Variants in SNTB1 observed in about 807,000 individuals in gnomAD.
The protein encoded by SNTB1 is beta-1-syntrophin.
A neutral mutation model predicts 48.9 loss-of-function variants in SNTB1; 36 were observed. The ratio of observed to expected loss-of-function variants is 0.74; its 90% CI spans 0.56 to 0.97. The LOEUF is 0.97. SNTB1 is among the 50% of genes least tolerant of loss of function. The pLI, the probability that SNTB1 is intolerant of heterozygous loss-of-function variation, is 0.00. For missense variants in SNTB1, 786 were observed against 703.4 expected, an observed-to-expected ratio of 1.12 and a Z score of -1.33; for synonymous variants, 299 against 294.6, an observed-to-expected ratio of 1.01 and a Z score of -0.15.
intron 1 of SNTB1, among the ~76,000 whole-genome samples, chr8:120,712,923 C>T (rs1022790670): frequency 6.6e-6 from 1 of 152,158 alleles, no homozygotes; most frequent in African/African-American, 2.4e-5. Flanking sequence ...ATTACACATG[C>T]CGCACACCTG....
chr8:120,694,581 A>G (rs1480866755), intron 1 of SNTB1, among the ~76,000 whole-genome samples: 1 of 151,388 alleles, frequency 6.6e-6, no homozygotes, highest in Non-Finnish European at 1.5e-5. Flanking sequence ...CTTTATATAT[A>G]TATCTCTTTC....
chr8:120,753,925 G>A (rs926529901), intron 1 of SNTB1, among the ~76,000 whole-genome samples: 4 of 152,260 alleles, frequency 2.6e-5, no homozygotes, highest in African/African-American at 7.2e-5. Flanking sequence ...TTCTATCAAG[G>A]AAACCCTGTG....
chr8:120,684,460 G>A (rs1024635466), intron 2 of SNTB1, among the ~76,000 whole-genome samples: 9 of 152,086 alleles, frequency 5.9e-5, no homozygotes, highest in Non-Finnish European at 2.9e-5. Context: ...TAAATCACAT[G>A]TAAGTGAGAC....
chr8:120,555,105 A>C (rs912532992), intron 4 of SNTB1, among the ~76,000 whole-genome samples: 2 of 152,218 alleles, frequency 1.3e-5, no homozygotes, highest in African/African-American at 4.8e-5. Context: ...CCAATATGAC[A>C]GTATTTGGAA....
intron 1 of SNTB1, among the ~76,000 whole-genome samples, chr8:120,770,650 T>G (rs1262745191): frequency 6.6e-6 from 1 of 152,044 alleles, no homozygotes; most frequent in Non-Finnish European, 1.5e-5. Flanking sequence ...CTGTCTTTAC[T>G]AAAAATACAA....
intron 2 of SNTB1, among the ~76,000 whole-genome samples, chr8:120,664,812 A>G (rs192883712): frequency 4.3e-4 from 65 of 152,328 alleles, no homozygotes; most frequent in Non-Finnish European, 1.8e-4. Flanking sequence ...GCTGGCTCAT[A>G]TGGTAGGTGT....
intron 1 of SNTB1, among the ~76,000 whole-genome samples, chr8:120,721,523 C>T (rs946976422): frequency 1.3e-5 from 2 of 152,136 alleles, no homozygotes; most frequent in African/African-American, 4.8e-5. Context: ...AAAATTGCTG[C>T]CTAGTTGAAT....
chr8:120,736,424 G>A (rs1383582872), intron 1 of SNTB1, among the ~76,000 whole-genome samples: 2 of 152,164 alleles, frequency 1.3e-5, no homozygotes, highest in Non-Finnish European at 2.9e-5. Context: ...TATCAGTGAA[G>A]AGAACTAAAA....
intron 2 of SNTB1, chr8:120,655,099 G>A: frequency 3.1e-6 from 1 of 323,176 alleles, no homozygotes; most frequent in Non-Finnish European, 6.2e-6. Context: ...ATGACATTTT[G>A]GGGTGTTTTT....
At chr8:120,571,472 ATTG>A (rs1179136362) in intron 4 of SNTB1, 1 of 269,360 alleles carries the variant, frequency 3.7e-6, no homozygotes, top group Non-Finnish European at 7.0e-6. Flanking sequence ...CATTCTGACT[ATTG>A]AGGGTTTTTT....
intron 3 of SNTB1, among the ~76,000 whole-genome samples, chr8:120,598,916 C>G (rs978224832): frequency 1.3e-5 from 2 of 152,150 alleles, no homozygotes; most frequent in Non-Finnish European, 2.9e-5. Context: ...CCCTTGGCCT[C>G]CCTCTTATAA....
intron 3 of SNTB1, among the ~76,000 whole-genome samples, chr8:120,626,968 C>T (rs1255479437): frequency 6.6e-6 from 1 of 152,208 alleles, no homozygotes; most frequent in Non-Finnish European, 1.5e-5. Context: ...GCACTGTCAT[C>T]TTTGTGGGAC....
chr8:120,697,221 C>G (rs1265761871), intron 1 of SNTB1, among the ~76,000 whole-genome samples: 1 of 152,124 alleles, frequency 6.6e-6, no homozygotes, highest in Admixed American at 6.5e-5. Context: ...TGACACAGCA[C>G]TAGGGGAATT....
At chr8:120,791,264 G>A (rs188263481) in intron 1 of SNTB1, among the ~76,000 whole-genome samples, 28 of 151,830 alleles carry the variant, frequency 1.8e-4, no homozygotes, top group African/African-American at 5.8e-4. Flanking sequence ...GAATGAATCC[G>A]GATCCTATTT....
At chr8:120,743,822 A>G (rs941347894) in intron 1 of SNTB1, among the ~76,000 whole-genome samples, 1 of 152,166 alleles carries the variant, frequency 6.6e-6, no homozygotes, top group African/African-American at 2.4e-5. Context: ...ATAAAATGTC[A>G]TTTCTTTATA....
Position 120,797,724 on chromosome 8 carries a change from T to G in SNTB1, c.571+13549A>C, listed in dbSNP as rs187107062. ...GAAGACAAACAGTTCGTAATAAGAG[T>G]CAACACATGCTGACCTCTATGCGCC... On this transcript the variant is annotated intron_variant, in intron 1 of 6. Transcript: ENST00000517992. Among the ~76,000 whole-genome samples, 6 of 151,736 alleles carry G rather than the reference T, an allele frequency of 4.0e-5. No homozygotes were observed. The East Asian group carries it at 1.2e-3, about 30-fold the overall frequency.
At chr8:120,686,869 A>G (rs2129839303) in intron 2 of SNTB1, among the ~76,000 whole-genome samples, 1 of 152,290 alleles carries the variant, frequency 6.6e-6, no homozygotes, top group Non-Finnish European at 1.5e-5. Flanking sequence ...TTTAATGACA[A>G]TCATGAATTC....
rs547556229 is a variant in SNTB1 at position 120,771,733 on chromosome 8, C to T, written c.571+39540G>A. ...CCAAACAGAGAGCTTTAATTTACAT[C>T]AAGCTCTCTGAGCCTCTTTATAATA... On this transcript the variant is annotated intron_variant, in intron 1 of 6. Coordinates refer to ENST00000517992, the MANE Select transcript of SNTB1 (RefSeq NM_021021.4). Among the ~76,000 whole-genome samples the T allele has an allele frequency of 9.0e-4, 137 of 151,652 alleles. 1 individual carries two copies. In the East Asian group the frequency reaches 0.01, roughly 11 times the overall value.
At position 120,725,800 on chromosome 8, in the gene SNTB1, C is replaced by A. The variant is rs545865223; in HGVS notation, c.572-31892G>T. Among the ~76,000 whole-genome samples, 7 of 152,238 alleles carry A rather than the reference C, an allele frequency of 4.6e-5. No individual in the cohort carries two copies. In the Middle Eastern group the frequency reaches 0.017, roughly 370 times the overall value. On this transcript the variant is annotated intron_variant, in intron 1 of 6. Coordinates refer to ENST00000517992, the MANE Select transcript of SNTB1 (RefSeq NM_021021.4). ...AGATACTGTCTAATCTGTATTCTTA[C>A]CTTAAGGCAACTCCTTCATCTCCCC...
Sources: allele counts gnomAD v4.1 joint callset (sites outside exome capture counted in the v4.1 genomes callset), GRCh38; gene constraint gnomAD v4.1.1; transcripts MANE v1.5; gene names NCBI Gene and HGNC (gene_info 2026-07-23, HGNC 2026-07-21).